Variants in CACNB2 observed in about 807,000 individuals in gnomAD.
CACNB2 encodes the protein voltage-dependent L-type calcium channel subunit beta-2.
A neutral mutation model predicts 73.3 loss-of-function variants in CACNB2; 42 were observed. The observed-to-expected ratio is 0.57, with a 90% CI of 0.45 to 0.74. The LOEUF (loss-of-function observed/expected upper bound fraction) is 0.74. Ranked by LOEUF, CACNB2 falls within the 30% of genes least tolerant of loss-of-function variation. CACNB2 has a pLI of 0.00. For synonymous variants in CACNB2, 348 were observed against 310.3 expected, an observed-to-expected ratio of 1.12 and a Z score of -1.28; for missense variants, 940 against 853.0, an observed-to-expected ratio of 1.10 and a Z score of -1.27.
At chr10:18,245,411 C>T (rs1016764585) in intron 2 of CACNB2, among the ~76,000 whole-genome samples, 1 of 152,160 alleles carries the variant, frequency 6.6e-6, no homozygotes, top group African/African-American at 2.4e-5. Flanking sequence ...CTCTGTCCTT[C>T]CCTGGCCCAA....
intron 2 of CACNB2, among the ~76,000 whole-genome samples, chr10:18,171,521 G>GAAAAAAAAAAAAA (rs370201485): frequency 0.025 from 802 of 32,552 alleles, 180 homozygotes; most frequent in Non-Finnish European, 0.032. Context: ...TTTGATAGCA[G>GAAAAAAAAAAAAA]AAAAAAAAAA....
chr10:18,215,177 G>A lies in CACNB2; in HGVS notation c.213+64202G>A, dbSNP rs543087410. 6.0e-5 allele frequency among the ~76,000 whole-genome samples: 9 copies of A among 151,034 alleles called. No individual in the cohort carries two copies. The East Asian group carries it at 1.7e-3, about 29-fold the overall frequency. On this transcript the variant is annotated intron_variant, in intron 2 of 13. Transcript: ENST00000324631. The stretch of plus-strand genomic sequence containing the variant: ...ACATCTAGCGTTCCCTCCCAAGATA[G>A]CAGGCACTCTGAATGAAGACAGTGT...
At chr10:18,505,929 C>T (rs2050465367) in intron 5 of CACNB2, among the ~76,000 whole-genome samples, 1 of 152,168 alleles carries the variant, frequency 6.6e-6, no homozygotes, top group Non-Finnish European at 1.5e-5. Context: ...ATATCATATT[C>T]TGTTTAGTCA....
chr10:18,266,058 A>G (rs2037784015), intron 2 of CACNB2, among the ~76,000 whole-genome samples: 1 of 152,226 alleles, frequency 6.6e-6, no homozygotes, highest in Non-Finnish European at 1.5e-5. Flanking sequence ...GCATTTGTAT[A>G]TATACCGTAA....
At chr10:18,153,062 G>A (rs964381044) in intron 2 of CACNB2, among the ~76,000 whole-genome samples, 1 of 152,050 alleles carries the variant, frequency 6.6e-6, no homozygotes, top group Non-Finnish European at 1.5e-5. Flanking sequence ...TTTTCTTCAC[G>A]GTAATTTTCT....
chr10:18,461,764 CTTTTTTT>C (rs35385599), intron 3 of CACNB2, among the ~76,000 whole-genome samples: 13 of 68,010 alleles, frequency 1.9e-4, no homozygotes, highest in Admixed American at 4.6e-4. Flanking sequence ...TTCGATAAAG[CTTTTTTT>C]TTTTTTTTTT....
intron 3 of CACNB2, among the ~76,000 whole-genome samples, chr10:18,460,466 T>A (rs1392333749): frequency 6.6e-6 from 1 of 152,186 alleles, no homozygotes; most frequent in Admixed American, 6.5e-5. Context: ...TATTTCAAAA[T>A]TATTTCTATT....
chr10:18,450,626 CTTTTTTT>C (rs34566433), intron 3 of CACNB2, among the ~76,000 whole-genome samples: 1 of 130,948 alleles, frequency 7.6e-6, no homozygotes, highest in Admixed American at 7.8e-5. Flanking sequence ...GCTTTTTTTT[CTTTTTTT>C]TTTTTTTTTT....
At chr10:18,252,171 A>T (rs11013184) in intron 2 of CACNB2, among the ~76,000 whole-genome samples, 62,519 of 151,982 alleles carry the variant, frequency 0.41, 13,040 homozygotes, top group East Asian at 0.63. Context: ...ATTTTACTGA[A>T]TGTTGCTATG....
chr10:18,160,735 A>T (rs1354352039), intron 2 of CACNB2, among the ~76,000 whole-genome samples: 1 of 152,112 alleles, frequency 6.6e-6, no homozygotes, highest in Non-Finnish European at 1.5e-5. Flanking sequence ...GTCTGGTATG[A>T]TCAAAGAATA....
At chr10:18,216,132 C>G (rs73595554) in intron 2 of CACNB2, among the ~76,000 whole-genome samples, 7,432 of 76,270 alleles carry the variant, frequency 0.097, 575 homozygotes, top group African/African-American at 0.23. Context: ...CCCGTCTCAA[C>G]TAAAAAAAAA....
Position 18,280,494 on chromosome 10 carries a change from CTG to C in CACNB2, c.214-121424_214-121423del, listed in dbSNP as rs1200599882. 2.6e-5 allele frequency among the ~76,000 whole-genome samples: 4 copies of C among 152,146 alleles called. No homozygotes were observed. In the East Asian group the frequency reaches 5.8e-4, roughly 22 times the overall value. The stretch of plus-strand genomic sequence containing the variant: ...CCCTCTCCTAGTCACTGCGGCCCCT[CTG>C]TGTGTATTATAAAAAGGTACTCTCT... On this transcript the variant is annotated intron_variant, in intron 2 of 13. Coordinates refer to ENST00000324631, the MANE Select transcript of CACNB2 (RefSeq NM_201596.3).
chr10:18,205,111 T>A (rs1452038582), intron 2 of CACNB2, among the ~76,000 whole-genome samples: 2 of 152,086 alleles, frequency 1.3e-5, no homozygotes, highest in East Asian at 3.8e-4. Flanking sequence ...AAGATCTGTA[T>A]CATTGAATAG....
chr10:18,291,166 T>C (rs1345795197), intron 2 of CACNB2, among the ~76,000 whole-genome samples: 2 of 152,230 alleles, frequency 1.3e-5, no homozygotes, highest in South Asian at 2.1e-4. Context: ...TGAGACTATG[T>C]ATTATTTATT....
chr10:18,290,949 C>T (rs906007017), intron 2 of CACNB2, among the ~76,000 whole-genome samples: 1 of 152,234 alleles, frequency 6.6e-6, no homozygotes, highest in East Asian at 1.9e-4. Context: ...CAGCCTTGCT[C>T]TTCCGTCTGG....
intron 6 of CACNB2, among the ~76,000 whole-genome samples, chr10:18,507,037 G>C (rs564307477): frequency 6.6e-6 from 1 of 152,272 alleles, no homozygotes; most frequent in Admixed American, 6.5e-5. Context: ...GAGTTCAAGC[G>C]ATCCACCTGC....
chr10:18,278,394 G>A (rs1272716686), intron 2 of CACNB2, among the ~76,000 whole-genome samples: 2 of 152,064 alleles, frequency 1.3e-5, no homozygotes, highest in African/African-American at 4.8e-5. Flanking sequence ...GTGGCAAGAG[G>A]CACTCCAGAA....
rs1467697102 is a variant in CACNB2, at chr10:18,364,298, T to C, written c.214-37626T>C. 2.8e-5 allele frequency among the ~76,000 whole-genome samples: 3 copies of C among 108,260 alleles called. No homozygotes were observed. The East Asian group carries it at 2.9e-3, about 104-fold the overall frequency. The allele number at this position is 108,260 out of a possible 152,430, so 71.0% of individuals were successfully genotyped here. The stretch of plus-strand genomic sequence containing the variant: ...GCAATATTTGTTATGGATTTTTAAC[T>C]AATTTTTTTTTTTTTTCTGGGAGAT... On this transcript the variant is annotated intron_variant, in intron 2 of 13. Coordinates refer to ENST00000324631, the MANE Select transcript of CACNB2 (RefSeq NM_201596.3).
At chr10:18,375,996 A>G (rs771630996) in intron 2 of CACNB2, among the ~76,000 whole-genome samples, 59 of 152,370 alleles carry the variant, frequency 3.9e-4, no homozygotes, top group Non-Finnish European at 8.1e-4. Flanking sequence ...TTCTGGATAT[A>G]TACCCAAAAG....
Sources: allele counts gnomAD v4.1 joint callset (sites outside exome capture counted in the v4.1 genomes callset), GRCh38; gene constraint gnomAD v4.1.1; transcripts MANE v1.5; gene names NCBI Gene and HGNC (gene_info 2026-07-23, HGNC 2026-07-21).